The following SNPH variants were observed in gnomAD, a reference collection of about 807,000 sequenced individuals.
SNPH encodes the protein syntaphilin.
Under a neutral mutation model 36.8 loss-of-function variants are expected in SNPH, and 10 were observed. The ratio of observed to expected loss-of-function variants is 0.27; its 90% CI spans 0.17 to 0.46. SNPH has a LOEUF of 0.46. Ranked by LOEUF, SNPH falls within the 20% of genes least tolerant of loss-of-function variation. The probability of loss-of-function intolerance (pLI) is 1.00; values close to 1 mark genes in which losing one functional copy is unlikely to be tolerated. For missense variants in SNPH, 622 were observed against 744.0 expected, an observed-to-expected ratio of 0.84 and a Z score of 1.91; for synonymous variants, 281 against 312.2, an observed-to-expected ratio of 0.90 and a Z score of 1.05.
chr20:1,300,001 C>T (rs1439673487), intron 5 of SNPH, among the ~76,000 whole-genome samples: 1 of 152,214 alleles, frequency 6.6e-6, no homozygotes, highest in Non-Finnish European at 1.5e-5. Flanking sequence ...GAGCTTCTGC[C>T]TCCACCTGGG....
At chr20:1,277,069 C>T (rs1600246457) in intron 2 of SNPH, among the ~76,000 whole-genome samples, 1 of 152,068 alleles carries the variant, frequency 6.6e-6, no homozygotes, top group East Asian at 1.9e-4. Context: ...AGGAAGGACT[C>T]CAAGGGATCC....
At chr20:1,274,673 A>T (rs1203953426) in intron 2 of SNPH, among the ~76,000 whole-genome samples, 2 of 152,212 alleles carry the variant, frequency 1.3e-5, no homozygotes, top group Non-Finnish European at 2.9e-5. Flanking sequence ...GCACTCGGGA[A>T]GGGAGCGGAA....
At chr20:1,271,951 G>A (rs17717557) in intron 2 of SNPH, among the ~76,000 whole-genome samples, 6,182 of 152,204 alleles carry the variant, frequency 0.041, 160 homozygotes, top group Middle Eastern at 0.065. Flanking sequence ...ATCCATCCTC[G>A]GTTAGCTAGC....
In SNPH at chr20:1,297,249, C is replaced by T; in HGVS notation, c.287C>T (p.Pro96Leu). 1 of 1,613,360 alleles carries T rather than the reference C, an allele frequency of 6.2e-7. No individual in the cohort carries two copies. The highest frequency in any genetic ancestry group is 1.1e-5 in the South Asian group (1 of 90,964). The change falls in exon 5 of 7, where the codon CCA (proline) becomes CTA (leucine). Residue 96 changes from proline to leucine, a missense_variant. Pro to Leu is a moderately conservative substitution (Grantham distance 98). Around this residue, in one of 3 missense-constraint regions of SNPH, gnomAD observed 187 missense variants for 209.4 expected, o/e 0.89. Transcript: ENST00000381867. ...SYKGSDSSPTPRRSMKYTLCS... is the reference protein window; with the variant it reads ...SYKGSDSSPTLRRSMKYTLCS... ...AAGGGCAGTGACAGCAGTCCCACGC[C>T]AAGGTAATTGGCCCCTCCTCTCTGG...
chr20:1,267,352 T>C (rs923409082), intron 2 of SNPH, among the ~76,000 whole-genome samples: 2 of 152,160 alleles, frequency 1.3e-5, no homozygotes, highest in African/African-American at 4.8e-5. Flanking sequence ...CCTACTAGCC[T>C]GGGGAGCCCC....
intron 2 of SNPH, among the ~76,000 whole-genome samples, chr20:1,280,161 ACTT>A (rs1375287682): frequency 1.3e-5 from 2 of 152,148 alleles, no homozygotes; most frequent in Non-Finnish European, 2.9e-5. Context: ...GGACCTCGTG[ACTT>A]CTTCTGCCAG....
At chr20:1,277,672 G>A (rs1236788330) in intron 2 of SNPH, among the ~76,000 whole-genome samples, 2 of 144,204 alleles carry the variant, frequency 1.4e-5, no homozygotes, top group African/African-American at 5.2e-5. Flanking sequence ...GTGTGTGTCC[G>A]TGTGTGTCCA....
At chr20:1,298,723 T>G in intron 5 of SNPH, among the ~76,000 whole-genome samples, 1 of 151,856 alleles carries the variant, frequency 6.6e-6, no homozygotes, top group East Asian at 1.9e-4. Context: ...GGGCCACAGT[T>G]AGGTCCCCTC....
At chr20:1,302,606 C>A (rs1343763910) in intron 6 of SNPH, among the ~76,000 whole-genome samples, 2 of 151,774 alleles carry the variant, frequency 1.3e-5, no homozygotes, top group Admixed American at 1.3e-4. Flanking sequence ...CAAAATAAAC[C>A]CCATTCCCAT....
intron 2 of SNPH, among the ~76,000 whole-genome samples, chr20:1,290,990 A>T (rs2088353939): frequency 6.6e-6 from 1 of 152,248 alleles, no homozygotes; most frequent in African/African-American, 2.4e-5. Flanking sequence ...CACCTTCCAT[A>T]TGTAAAACAC....
intron 2 of SNPH, among the ~76,000 whole-genome samples, chr20:1,278,720 G>A (rs551649537): frequency 6.6e-6 from 1 of 152,160 alleles, no homozygotes; most frequent in South Asian, 2.1e-4. Context: ...GTCTCACTCT[G>A]TCACCCAGGC....
intron 5 of SNPH, among the ~76,000 whole-genome samples, chr20:1,299,030 G>A (rs895257698): frequency 6.6e-6 from 1 of 151,664 alleles, no homozygotes; most frequent in Non-Finnish European, 1.5e-5. Flanking sequence ...CCTTGCCAAG[G>A]GGTGACTCCT....
rs142534080 is a variant in SNPH at position 1,288,731 on chromosome 20, C to T, written c.-492-6220C>T. On this transcript the variant is annotated intron_variant, in intron 2 of 6. Transcript: ENST00000381867. ...CTGCCTCCCAGGCTCAAGATATTCT[C>T]CTGTCTCAGCATCCCGAGTAACTGA... Among the ~76,000 whole-genome samples the T allele has an allele frequency of 1.8e-4, 27 of 151,504 alleles. No homozygotes were observed. The East Asian group carries it at 4.3e-3, about 24-fold the overall frequency.
intron 5 of SNPH, among the ~76,000 whole-genome samples, chr20:1,298,172 G>C (rs1394960229): frequency 6.6e-6 from 1 of 152,180 alleles, no homozygotes; most frequent in African/African-American, 2.4e-5. Flanking sequence ...TTCCTGTCTT[G>C]AGCCTCCATT....
chr20:1,303,501 C>T (rs1412229254), intron 6 of SNPH, among the ~76,000 whole-genome samples: 2 of 152,206 alleles, frequency 1.3e-5, no homozygotes, highest in African/African-American at 2.4e-5. Flanking sequence ...AGTGGGCCCC[C>T]CACCTGGAGG....
chr20:1,302,539 C>A (rs2088515575), intron 6 of SNPH, among the ~76,000 whole-genome samples: 1 of 102,714 alleles, frequency 9.7e-6, no homozygotes. Context: ...CAAAATAAAC[C>A]CCATTCCCAT....
chr20:1,272,031 A>T (rs529819804), intron 2 of SNPH, among the ~76,000 whole-genome samples: 1 of 152,364 alleles, frequency 6.6e-6, no homozygotes, highest in South Asian at 2.1e-4. Flanking sequence ...ATCATAAAAT[A>T]AGAGAAAGAA....
Position 1,305,787 on chromosome 20 carries a change from G to C in SNPH, c.1350G>C (p.Glu450Asp). Residue 450 changes from glutamate to aspartate, a missense_variant, in exon 7 of 7, where the codon GAG (glutamate) becomes GAC (aspartate). Glu to Asp is a conservative substitution (Grantham distance 45). Transcript: ENST00000381867. ...TGAGCGTGGTGTGCCCCATGGAAGA[G>C]GAGGAGGAGGCTGCCGTGGCTGAGA... ...QSVSVVCPME[E>D]EEEAAVAEKE... is the part of the protein sequence containing the mutation. 1 of 1,605,620 alleles carries C rather than the reference G, an allele frequency of 6.2e-7. No homozygotes were observed. The highest frequency in any genetic ancestry group is 8.5e-7 in the Non-Finnish European group (1 of 1,176,600).
At chr20:1,268,902 A>T (rs1005814407) in intron 2 of SNPH, among the ~76,000 whole-genome samples, 1 of 152,192 alleles carries the variant, frequency 6.6e-6, no homozygotes, top group South Asian at 2.1e-4. Context: ...TGATTAACAG[A>T]TGCTTCGCCT....
Sources: gnomAD v4.1 joint callset for allele counts (sites outside exome capture counted in the v4.1 genomes callset) on GRCh38, gnomAD v4.1.1 for gene constraint, gnomAD v4.1.1 regional missense constraint, MANE v1.5 for transcripts, NCBI Gene and HGNC (gene_info 2026-07-23, HGNC 2026-07-21) for gene names.